TGM4: variants seen among roughly 807,000 people sequenced by gnomAD.
TGM4 encodes the protein transglutaminase 4, also known as protein-glutamine gamma-glutamyltransferase 4.
In TGM4, 61 loss-of-function variants were observed where a neutral mutation model predicts 76.3. That is an observed-to-expected ratio of 0.80 (90% confidence interval 0.65 to 0.99). TGM4 has a LOEUF of 0.99. Among genes scored for constraint, TGM4 ranks in the 50% least tolerant of loss-of-function variants. The probability of loss-of-function intolerance (pLI) is 0.00; values close to 1 mark genes in which losing one functional copy is unlikely to be tolerated. For missense variants in TGM4, 794 were observed against 843.2 expected (o/e 0.94, Z 0.72); for synonymous variants, 337 against 329.8 (o/e 1.02, Z -0.24).
intron 5 of TGM4, among the ~76,000 whole-genome samples, chr3:44,894,831 C>G (rs1699757984): frequency 6.6e-6 from 1 of 152,056 alleles, no homozygotes; most frequent in African/African-American, 2.4e-5. Context: ...GCCGAGTGCC[C>G]TCTCCACCCT....
chr3:44,890,441 A>G lies in TGM4; in HGVS notation c.301-162A>G, dbSNP rs1699675951. The G allele has an allele frequency of 4.2e-6, 4 of 955,234 alleles. No individual in the cohort carries two copies. In the South Asian group the frequency reaches 5.0e-5, roughly 12 times the overall value. 59.2% of individuals were successfully genotyped at this position (955,234 alleles called of 1,614,324 possible). A position where few individuals can be genotyped will look rare whatever the true frequency, so the allele number is the denominator to read the frequency against. ...TCTGTCTCATGCATCCTGCCCTTGCAGGGGCGCTCCTGGCTGTCCAGGGTC... is the reference window on the plus strand; with the variant it reads ...TCTGTCTCATGCATCCTGCCCTTGCGGGGGCGCTCCTGGCTGTCCAGGGTC... On this transcript the variant is annotated intron_variant, in intron 3 of 13. Transcript: ENST00000296125.
intron 1 of TGM4, among the ~76,000 whole-genome samples, chr3:44,884,246 C>T (rs1190065644): frequency 6.6e-6 from 1 of 152,140 alleles, no homozygotes; most frequent in Non-Finnish European, 1.5e-5. Context: ...GTTTTACAAC[C>T]CCCAGGTGGT....
chr3:44,884,615 G>A (rs1050214832), intron 1 of TGM4, among the ~76,000 whole-genome samples: 7 of 152,114 alleles, frequency 4.6e-5, no homozygotes, highest in African/African-American at 7.2e-5. Flanking sequence ...GATTAGAGGC[G>A]TGAACCACTG....
chr3:44,901,567 C>G lies in TGM4; in HGVS notation c.701C>G (p.Thr234Ser), dbSNP rs1699853166. The G allele has an allele frequency of 1.2e-6, 2 of 1,613,768 alleles. No homozygotes were observed. Among genetic ancestry groups the G allele is most frequent in the South Asian group, 1.1e-5 (1 of 91,024 alleles). Reference protein sequence around the residue: ...KGQGVLIGNWTGDYEGGTAPY... With the variant: ...KGQGVLIGNWSGDYEGGTAPY... ...CAGGGCGTGCTCATTGGGAATTGGA[C>G]TGGGGACTACGAAGGTGGCACAGCC... The change falls in exon 7 of 14, where the codon ACT (threonine) becomes AGT (serine). Residue 234 changes from threonine to serine, a missense_variant. Coordinates refer to ENST00000296125, the MANE Select transcript of TGM4 (RefSeq NM_003241.4).
At chr3:44,881,715 A>G (rs1001793792) in intron 1 of TGM4, among the ~76,000 whole-genome samples, 1 of 152,258 alleles carries the variant, frequency 6.6e-6, no homozygotes, top group East Asian at 1.9e-4. Context: ...AACTAATGCT[A>G]ATTTTAGTTT....
rs144043458 is a variant in TGM4 at position 44,895,901 on chromosome 3, T to G, written c.550-808T>G. Among the ~76,000 whole-genome samples, 1,473 of 152,230 alleles carry G rather than the reference T, an allele frequency of 9.7e-3. 25 individuals are homozygous for G. The highest frequency in any genetic ancestry group is 0.031 in the African/African-American group (1,283 of 41,532). ...AAAGTGGCTTACAGTAAATAGAATTTCAAAAGTAACGTGCTTATCACAAAA... is the reference window on the plus strand; with the variant it reads ...AAAGTGGCTTACAGTAAATAGAATTGCAAAAGTAACGTGCTTATCACAAAA... On this transcript the variant is annotated intron_variant, in intron 5 of 13. Transcript: ENST00000296125.
At chr3:44,877,696 A>G (rs1699468863) in intron 1 of TGM4, among the ~76,000 whole-genome samples, 1 of 152,220 alleles carries the variant, frequency 6.6e-6, no homozygotes, top group South Asian at 2.1e-4. Context: ...TAGCTTTAAA[A>G]AGGCATCTTC....
chr3:44,885,509 G>C lies in TGM4; in HGVS notation c.193+11G>C, dbSNP rs200524990. 1.9e-6 allele frequency: 3 copies of C among 1,604,820 alleles called. No individual in the cohort carries two copies. The highest frequency in any genetic ancestry group is 1.7e-5 in the Admixed American group (1 of 59,804). On this transcript the variant is annotated intron_variant, in intron 2 of 13. Transcript: ENST00000296125. Reference sequence around the variant, plus strand: ...TGGAATTCAGCACAGGTGAAGCCTCGGGGCCCTACTCATGGGGCTTTGGGG... The same window carrying C: ...TGGAATTCAGCACAGGTGAAGCCTCCGGGCCCTACTCATGGGGCTTTGGGG...
intron 1 of TGM4, among the ~76,000 whole-genome samples, chr3:44,878,391 T>TG (rs1479735410): frequency 3.3e-5 from 5 of 151,474 alleles, no homozygotes; most frequent in African/African-American, 4.8e-5. Flanking sequence ...AGAAAGGATC[T>TG]GGGAGTCTGG....
intron 9 of TGM4, 84 bp downstream of exon 9, chr3:44,904,071 C>T: frequency 8.2e-7 from 1 of 1,219,290 alleles, no homozygotes; most frequent in Non-Finnish European, 1.2e-6. Context: ...GGTATGCAGC[C>T]AAGCAGGTGG....
intron 3 of TGM4, chr3:44,888,670 A>G (rs886992660): frequency 4.6e-5 from 7 of 152,162 alleles, no homozygotes; most frequent in African/African-American, 1.7e-4. Flanking sequence ...ATTTTTTTTA[A>G]TTGACATATA....
chr3:44,890,785 T>A, intron 4 of TGM4, 53 bp downstream of exon 4: 1 of 1,603,660 alleles, frequency 6.2e-7, no homozygotes, highest in Non-Finnish European at 8.5e-7. Context: ...CGGCAAAACC[T>A]GCTATGTGCA....
chr3:44,892,991 A>T (rs1699725400), intron 4 of TGM4, among the ~76,000 whole-genome samples: 1 of 152,184 alleles, frequency 6.6e-6, no homozygotes, highest in African/African-American at 2.4e-5. Context: ...GGAATGTTAA[A>T]TGTGATCATT....
intron 6 of TGM4, 62 bp from the exon 7 acceptor site, chr3:44,901,462 G>T (rs1575723310): frequency 7.2e-6 from 11 of 1,518,660 alleles, no homozygotes; most frequent in Middle Eastern, 3.7e-4. Context: ...GGCCAAGCTG[G>T]GCTGGCAGCA....
chr3:44,890,704 A>G lies in TGM4; in HGVS notation c.402A>G (p.Leu134=). Residue 134 remains leucine, a synonymous_variant, in exon 4 of 14, where the codon CTA becomes CTG. Transcript: ENST00000296125. ...TCCTTAAGTCTGAAGAAAACATCCTATACCTTCTCTTCAACCCATGGTGTA... is the reference window on the plus strand; with the variant it reads ...TCCTTAAGTCTGAAGAAAACATCCTGTACCTTCTCTTCAACCCATGGTGTA... ...NHILKSEENI[L]YLLFNPWCKE... The G allele has an allele frequency of 6.8e-6, 11 of 1,614,190 alleles. No individual in the cohort carries two copies. Among genetic ancestry groups the G allele is most frequent in the Non-Finnish European group, 9.3e-6 (11 of 1,180,016 alleles).
At chr3:44,887,372 C>A (rs1699622423) in intron 2 of TGM4, among the ~76,000 whole-genome samples, 1 of 152,160 alleles carries the variant, frequency 6.6e-6, no homozygotes, top group Non-Finnish European at 1.5e-5. Flanking sequence ...CACGAGCCAG[C>A]AGGGTTAAAC....
At chr3:44,881,418 GA>G (rs1699530625) in intron 1 of TGM4, among the ~76,000 whole-genome samples, 1 of 152,152 alleles carries the variant, frequency 6.6e-6, no homozygotes, top group East Asian at 1.9e-4. Context: ...AATTTATAAA[GA>G]AAAGAAATTC....
At chr3:44,882,198 G>A (rs146390932) in intron 1 of TGM4, among the ~76,000 whole-genome samples, 1 of 151,394 alleles carries the variant, frequency 6.6e-6, no homozygotes, top group African/African-American at 2.4e-5. Flanking sequence ...TCAGTCTCCC[G>A]AGTAACCGGG....
chr3:44,907,261 G>C, intron 10 of TGM4, 61 bp downstream of exon 10: 1 of 1,501,314 alleles, frequency 6.7e-7, no homozygotes, highest in Non-Finnish European at 9.0e-7. Context: ...CATGAAAATA[G>C]TCAAGATTGG....
Sources: gnomAD v4.1 joint callset for allele counts (sites outside exome capture counted in the v4.1 genomes callset) on GRCh38, gnomAD v4.1.1 for gene constraint, MANE v1.5 for transcripts, NCBI Gene and HGNC (gene_info 2026-07-23, HGNC 2026-07-21) for gene names.